Variants in TRDN observed in about 807,000 individuals in gnomAD.
TRDN encodes the protein triadin.
Under a neutral mutation model 149.7 loss-of-function variants are expected in TRDN, and 161 were observed. That is an observed-to-expected ratio of 1.08 (90% CI 0.95 to 1.23). TRDN has a LOEUF of 1.23. Ranked by LOEUF, TRDN falls within the 50% of genes most tolerant of loss-of-function variation. The pLI, the probability that TRDN is intolerant of heterozygous loss-of-function variation, is 0.00. For synonymous variants in TRDN, 294 were observed against 250.5 expected (o/e 1.17, Z -1.64); for missense variants, 896 against 823.5 (o/e 1.09, Z -1.08).
At chr6:123,545,353 A>T (rs1193862211) in intron 4 of TRDN, among the ~76,000 whole-genome samples, 3 of 151,930 alleles carry the variant, frequency 2.0e-5, no homozygotes, top group Non-Finnish European at 2.9e-5. Context: ...AATGTAGAAT[A>T]TGTATTATAA....
chr6:123,311,744 T>C (rs1396547994), intron 24 of TRDN, among the ~76,000 whole-genome samples: 2 of 152,130 alleles, frequency 1.3e-5, no homozygotes, highest in Non-Finnish European at 1.5e-5. Context: ...TTATTGAAGA[T>C]GTCATCTTTG....
chr6:123,612,093 C>T (rs900635342), intron 1 of TRDN, among the ~76,000 whole-genome samples: 15 of 151,054 alleles, frequency 9.9e-5, no homozygotes, highest in Non-Finnish European at 2.2e-4. Context: ...TTTTCAAGTT[C>T]GAAAATAGAA....
At chr6:123,360,739 G>GAC (rs1780869015) in intron 20 of TRDN, among the ~76,000 whole-genome samples, 2 of 150,844 alleles carry the variant, frequency 1.3e-5, no homozygotes, top group Non-Finnish European at 3.0e-5. Flanking sequence ...GAGAGAGAGA[G>GAC]AGACAGGGAG....
At position 123,447,771 on chromosome 6, in the gene TRDN, C is replaced by CA. The variant is rs570554964; in HGVS notation, c.932-8769dup. Among the ~76,000 whole-genome samples the CA allele has an allele frequency of 8.8e-3, 885 of 101,130 alleles. 3 individuals are homozygous for CA. The highest frequency in any genetic ancestry group is 0.023 in the South Asian group (76 of 3,256). 66.3% of individuals were successfully genotyped at this position (101,130 alleles called of 152,430 possible). On this transcript the variant is annotated intron_variant, in intron 10 of 40. Transcript: ENST00000334268. ...CTGGGCCACAGAGTGAGATCAGTTTCAAAAAAAAAAAAAAAAGGTCGTTGT... is the reference window on the plus strand; with the variant it reads ...CTGGGCCACAGAGTGAGATCAGTTTCAAAAAAAAAAAAAAAAAGGTCGTTGT...
intron 22 of TRDN, among the ~76,000 whole-genome samples, chr6:123,335,273 C>T (rs1779819861): frequency 6.6e-6 from 1 of 151,634 alleles, no homozygotes; most frequent in Non-Finnish European, 1.5e-5. Flanking sequence ...TTTATATCAT[C>T]CTAAATCAAT....
chr6:123,301,776 TATATATATATAC>T (rs1468983438), intron 24 of TRDN, among the ~76,000 whole-genome samples: 2,730 of 139,786 alleles, frequency 0.02, 71 homozygotes, highest in South Asian at 0.052. Context: ...TATACATATA[TATATATATATAC>T]ATAAATGAAA....
rs754387087 is a variant in TRDN, at chr6:123,269,893, G to A, written c.1721-27C>T. 7 of 1,607,104 alleles carry A rather than the reference G, an allele frequency of 4.4e-6. No individual in the cohort carries two copies. The South Asian group carries it at 5.6e-5, about 13-fold the overall frequency. On this transcript the variant is annotated intron_variant, in intron 30 of 40. Coordinates refer to ENST00000334268, the MANE Select transcript of TRDN (RefSeq NM_006073.4). Reference sequence around the variant, plus strand: ...TGTGGAGAATGGAGGCAAGCACATGGCATATTGATGAGTACAAACCATGGA... The same window carrying A: ...TGTGGAGAATGGAGGCAAGCACATGACATATTGATGAGTACAAACCATGGA...
intron 12 of TRDN, among the ~76,000 whole-genome samples, chr6:123,406,153 T>C (rs1021268021): frequency 1.3e-5 from 2 of 152,130 alleles, no homozygotes; most frequent in Non-Finnish European, 2.9e-5. Flanking sequence ...AAAGCCAAAA[T>C]AGAATGATGT....
At chr6:123,453,982 G>A (rs1278624894) in intron 10 of TRDN, among the ~76,000 whole-genome samples, 6 of 152,046 alleles carry the variant, frequency 3.9e-5, no homozygotes. Flanking sequence ...CATTTGCAGT[G>A]ACCTGGATGA....
chr6:123,223,713 C>CTTCCTTCCTTCCTTCCTTCT (rs1775243785), intron 39 of TRDN, among the ~76,000 whole-genome samples: 1 of 149,520 alleles, frequency 6.7e-6, no homozygotes, highest in South Asian at 2.1e-4. Flanking sequence ...TCCTTCCTTC[C>CTTCCTTCCTTCCTTCCTTCT]TTCCTTCCTT....
At chr6:123,472,092 T>C (rs966774068) in intron 9 of TRDN, among the ~76,000 whole-genome samples, 1 of 152,168 alleles carries the variant, frequency 6.6e-6, no homozygotes, top group Non-Finnish European at 1.5e-5. Flanking sequence ...GATGGCCGAA[T>C]AGGAACAGCT....
Position 123,396,102 on chromosome 6 carries a change from G to C in TRDN, c.1052-2425C>G, listed in dbSNP as rs559327586. ...TCAAAATTGCATGACATTAGGGGAG[G>C]AATCGACCCTGAGTCCATACATGTA... On this transcript the variant is annotated intron_variant, in intron 12 of 40. Coordinates refer to ENST00000334268, the MANE Select transcript of TRDN (RefSeq NM_006073.4). 1.8e-4 allele frequency among the ~76,000 whole-genome samples: 27 copies of C among 152,184 alleles called. No homozygotes were observed. The East Asian group carries it at 5.0e-3, about 28-fold the overall frequency.
In TRDN at chr6:123,444,150, G is replaced by T. The variant is rs1435011433; in HGVS notation, c.932-5147C>A. ...CATGATATTGATTCTTCCTGCCCAT[G>T]AGCATGGAATGTTCTTCCATTTGTT... On this transcript the variant is annotated intron_variant, in intron 10 of 40. Transcript: ENST00000334268. Among the ~76,000 whole-genome samples, 4 of 143,208 alleles carry T rather than the reference G, an allele frequency of 2.8e-5. 1 individual carries two copies. Among genetic ancestry groups the T allele is most frequent in the Non-Finnish European group, 6.0e-5 (4 of 66,982 alleles). 94.0% of individuals were successfully genotyped at this position (143,208 alleles called of 152,430 possible).
At chr6:123,567,493 G>A (rs1409011394) in intron 2 of TRDN, among the ~76,000 whole-genome samples, 1 of 152,138 alleles carries the variant, frequency 6.6e-6, no homozygotes, top group Non-Finnish European at 1.5e-5. Context: ...CACTTCTGCA[G>A]TCTGTACAGA....
intron 24 of TRDN, among the ~76,000 whole-genome samples, chr6:123,308,711 G>T (rs1778705676): frequency 6.6e-6 from 1 of 151,892 alleles, no homozygotes; most frequent in Admixed American, 6.6e-5. Flanking sequence ...CCATGCTTCA[G>T]ACCTTGTAGT....
intron 4 of TRDN, among the ~76,000 whole-genome samples, chr6:123,540,061 T>G (rs73770162): frequency 0.019 from 2,958 of 152,336 alleles, 91 homozygotes; most frequent in African/African-American, 0.068. Context: ...GAATCCAGTA[T>G]TCCTGATAAT....
At chr6:123,493,976 T>C (rs1778328132) in intron 9 of TRDN, among the ~76,000 whole-genome samples, 1 of 152,228 alleles carries the variant, frequency 6.6e-6, no homozygotes, top group Non-Finnish European at 1.5e-5. Context: ...TATAGTTTAT[T>C]AAATGAAACA....
At chr6:123,225,778 A>G (rs1775335449) in intron 38 of TRDN, among the ~76,000 whole-genome samples, 1 of 151,762 alleles carries the variant, frequency 6.6e-6, no homozygotes, top group Non-Finnish European at 1.5e-5. Flanking sequence ...GTATTGTGTA[A>G]ATCACTTGGT....
At chr6:123,302,214 G>A (rs1778454320) in intron 24 of TRDN, among the ~76,000 whole-genome samples, 1 of 151,972 alleles carries the variant, frequency 6.6e-6, no homozygotes, top group Non-Finnish European at 1.5e-5. Flanking sequence ...ATGAGCCAAA[G>A]AGACTCTGGT....
Sources: allele counts gnomAD v4.1 joint callset (sites outside exome capture counted in the v4.1 genomes callset), GRCh38; gene constraint gnomAD v4.1.1; transcripts MANE v1.5; gene names NCBI Gene and HGNC (gene_info 2026-07-23, HGNC 2026-07-21).